NBN: variants seen among roughly 807,000 people sequenced by gnomAD.
NBN encodes the protein Nijmegen breakage syndrome 1 (nibrin).
In NBN, 88 loss-of-function variants were observed where a neutral mutation model predicts 90.8. That is an observed-to-expected ratio of 0.97 (90% CI 0.82 to 1.16). The LOEUF (loss-of-function observed/expected upper bound fraction) is 1.16. Among genes scored for constraint, NBN ranks in the 50% most tolerant of loss-of-function variants. The pLI is 0.00. For synonymous variants in NBN, 328 were observed against 295.1 expected (o/e 1.11, Z -1.14); for missense variants, 894 against 869.6 (o/e 1.03, Z -0.35).
chr8:89,950,693 AATTAT>A (rs1399847356), intron 11 of NBN, among the ~76,000 whole-genome samples: 2 of 152,234 alleles, frequency 1.3e-5, no homozygotes, highest in African/African-American at 4.8e-5. Flanking sequence ...AAAATAAAAT[AATTAT>A]ATTTCCTCAT....
rs993035925 is a variant in NBN at position 89,958,635 on chromosome 8, A to G, written c.1124+90T>C. 6.3e-6 allele frequency: 9 copies of G among 1,433,828 alleles called. No homozygotes were observed. The African/African-American group carries it at 8.5e-5, about 14-fold the overall frequency. 88.8% of individuals were successfully genotyped at this position (1,433,828 alleles called of 1,614,324 possible). ...ATTCTTCCATGCTTTCTCTCTCAAG[A>G]GACAACCTGATAAAGGGCATTACTT... On this transcript the variant is annotated intron_variant, in intron 9 of 15. Transcript: ENST00000265433.
intron 10 of NBN, among the ~76,000 whole-genome samples, chr8:89,954,637 T>G (rs1041944660): frequency 6.6e-6 from 1 of 151,966 alleles, no homozygotes; most frequent in Non-Finnish European, 1.5e-5. Flanking sequence ...GAAGTAAAGT[T>G]TAAAGGAAAA....
chr8:89,977,788 G>A (rs976440113), intron 5 of NBN, among the ~76,000 whole-genome samples: 7 of 152,136 alleles, frequency 4.6e-5, no homozygotes, highest in African/African-American at 1.4e-4. Flanking sequence ...ATTTTGCAAT[G>A]AGTAACTGGA....
At chr8:89,964,291 T>C in intron 8 of NBN, 119 bp downstream of exon 8, 1 of 1,152,460 alleles carries the variant, frequency 8.7e-7, no homozygotes, top group Non-Finnish European at 1.3e-6. Flanking sequence ...TATAAATGGA[T>C]GAATTTTAAA....
chr8:89,963,529 A>G (rs1811095951), intron 8 of NBN, among the ~76,000 whole-genome samples: 1 of 152,250 alleles, frequency 6.6e-6, no homozygotes, highest in African/African-American at 2.4e-5. Context: ...AAGCAAGAAG[A>G]AAAGAAATAA....
intron 5 of NBN, among the ~76,000 whole-genome samples, chr8:89,974,457 T>C (rs1332026577): frequency 1.3e-5 from 2 of 152,154 alleles, no homozygotes; most frequent in African/African-American, 2.4e-5. Flanking sequence ...TTCAGGCCAA[T>C]GTGTCTGTTG....
rs192701225 is a variant in NBN, at chr8:89,952,450, G to A, written c.1845+794C>T. 2.2e-4 allele frequency among the ~76,000 whole-genome samples: 33 copies of A among 152,228 alleles called. No homozygotes were observed. In the East Asian group the frequency reaches 5.4e-3, roughly 25 times the overall value. ...GCCTATATGAAGATAACAATACACA[G>A]GCCAAATAGGACATAGGTTCTGTTT... On this transcript the variant is annotated intron_variant, in intron 11 of 15. Transcript: ENST00000265433.
chr8:89,953,581 T>C lies in NBN; in HGVS notation c.1508A>G (p.Asn503Ser). Residue 503 changes from asparagine (N) to serine (S), a missense_variant, in exon 11 of 16, where the codon AAT (asparagine) becomes AGT (serine). Physicochemically the swap from Asn to Ser is conservative, Grantham distance 46 (BLOSUM62 1). Transcript: ENST00000265433. ...TQPATPSLWK[N>S]KEQHLSENEP... Reference sequence around the variant, plus strand: ...ATTCTCAGATAGATGCTGCTCCTTATTTTTCCACAATGAGGGTGTAGCAGG... The same window carrying C: ...ATTCTCAGATAGATGCTGCTCCTTACTTTTCCACAATGAGGGTGTAGCAGG... The C allele has an allele frequency of 1.2e-6, 2 of 1,613,692 alleles. No homozygotes were observed. Among genetic ancestry groups the C allele is most frequent in the African/African-American group, 2.7e-5 (2 of 75,036 alleles).
intron 12 of NBN, among the ~76,000 whole-genome samples, chr8:89,947,237 G>A (rs1309953239): frequency 6.6e-6 from 1 of 152,126 alleles, no homozygotes. Flanking sequence ...TCTTAAATGT[G>A]AAAATGACTT....
intron 5 of NBN, among the ~76,000 whole-genome samples, chr8:89,973,621 A>G (rs1480718318): frequency 6.6e-6 from 1 of 152,190 alleles, no homozygotes; most frequent in Admixed American, 6.5e-5. Context: ...TCTCTTTACC[A>G]GTGTAATGAT....
chr8:89,978,148 GGAATT>G (rs1811858256), intron 5 of NBN, 67 bp downstream of exon 5: 10 of 1,266,036 alleles, frequency 7.9e-6, no homozygotes, highest in Non-Finnish European at 1.1e-5. Flanking sequence ...CATTAAAGAG[GGAATT>G]AACTTAAATA....
At chr8:89,939,840 C>T (rs1024040914) in intron 14 of NBN, among the ~76,000 whole-genome samples, 2 of 152,178 alleles carry the variant, frequency 1.3e-5, no homozygotes, top group Non-Finnish European at 2.9e-5. Context: ...AGGTAAACAA[C>T]CTAATAATGC....
intron 5 of NBN, among the ~76,000 whole-genome samples, chr8:89,972,575 G>C (rs741778): frequency 0.25 from 37,642 of 152,168 alleles, 5,303 homozygotes; most frequent in East Asian, 0.4. Context: ...TGGAAAGTTA[G>C]TAGACATTCG....
intron 9 of NBN, among the ~76,000 whole-genome samples, chr8:89,956,010 T>C (rs1255440471): frequency 6.6e-6 from 1 of 151,844 alleles, no homozygotes; most frequent in Non-Finnish European, 1.5e-5. Flanking sequence ...ACATATAAGA[T>C]ATTCAGGTCA....
At chr8:89,951,768 AC>A (rs1810458946) in intron 11 of NBN, among the ~76,000 whole-genome samples, 1 of 151,532 alleles carries the variant, frequency 6.6e-6, no homozygotes, top group South Asian at 2.1e-4. Context: ...TAAAAAAAAA[AC>A]CTCTGTCTCT....
At chr8:89,946,344 GA>G (rs748551366) in intron 12 of NBN, 49 bp from the exon 13 acceptor site, 2 of 1,483,332 alleles carry the variant, frequency 1.3e-6, no homozygotes, top group East Asian at 2.3e-5. Context: ...AAATAACAAA[GA>G]AAAGTCACTT....
chr8:89,981,639 ACAACAATTACTGC>A, intron 2 of NBN, 116 bp from the exon 3 acceptor site: 1 of 1,000,172 alleles, frequency 1.0e-6, no homozygotes, highest in South Asian at 1.4e-5. Context: ...AACACGGCAG[ACAACAATTACTGC>A]TTCGGTTGCC....
rs566526741 is a variant in NBN, at chr8:89,968,119, C to T, written c.896+2245G>A. Reference sequence around the variant, plus strand: ...CAAGAAATAAAGAAATTAGCAGCAACGTGGTGGTGTACGCCTGTAGTCCCA... The same window carrying T: ...CAAGAAATAAAGAAATTAGCAGCAATGTGGTGGTGTACGCCTGTAGTCCCA... On this transcript the variant is annotated intron_variant, in intron 7 of 15. Transcript: ENST00000265433. Among the ~76,000 whole-genome samples, 14 of 152,014 alleles carry T rather than the reference C, an allele frequency of 9.2e-5. No individual in the cohort carries two copies. The South Asian group carries it at 2.7e-3, about 29-fold the overall frequency.
intron 14 of NBN, chr8:89,937,334 G>A: frequency 2.1e-6 from 1 of 476,292 alleles, no homozygotes; most frequent in East Asian, 3.8e-5. Context: ...TATATTGCTA[G>A]CTTGCTGAGT....
Sources: gnomAD v4.1 joint callset for allele counts (sites outside exome capture counted in the v4.1 genomes callset) on GRCh38, gnomAD v4.1.1 for gene constraint, MANE v1.5 for transcripts, NCBI Gene and HGNC (gene_info 2026-07-23, HGNC 2026-07-21) for gene names.